AP3D1: variants seen among roughly 807,000 people sequenced by gnomAD.
AP3D1 encodes AP-3 complex subunit delta-1.
AP3D1 carries 51 observed loss-of-function variants against 147.6 expected under a neutral mutation model. The observed-to-expected ratio is 0.35, with a 90% CI of 0.28 to 0.44. The LOEUF is 0.44. AP3D1 is among the 20% of genes least tolerant of loss of function. The probability of loss-of-function intolerance (pLI) is 1.00; values close to 1 mark genes in which losing one functional copy is unlikely to be tolerated. For missense variants in AP3D1, 1,421 were observed against 1,624.2 expected (o/e 0.87, Z 2.15); for synonymous variants, 760 against 663.0 (o/e 1.15, Z -2.25).
upstream of AP3D1, among the ~76,000 whole-genome samples, chr19:2,153,828 G>A (rs937714828): frequency 1.3e-5 from 2 of 152,168 alleles, no homozygotes; most frequent in Admixed American, 6.5e-5. Context: ...AACAGTTTCC[G>A]GGCGTCCTTG....
intron 31 of AP3D1, among the ~76,000 whole-genome samples, chr19:2,102,714 C>T (rs997335950): frequency 3.1e-4 from 43 of 138,446 alleles, no homozygotes; most frequent in African/African-American, 1.1e-3. Flanking sequence ...GGCGACACAG[C>T]GAGACTGTCT....
chr19:2,115,347 T>C lies in AP3D1; in HGVS notation c.2221A>G (p.Lys741Glu). 1 of 1,609,232 alleles carries C rather than the reference T, an allele frequency of 6.2e-7. No individual in the cohort carries two copies. The highest frequency in any genetic ancestry group is 8.5e-7 in the Non-Finnish European group (1 of 1,179,842). Residue 741 changes from lysine (K) to glutamate (E), a missense_variant, in exon 20 of 32, where the codon AAG (lysine) becomes GAG (glutamate). Transcript: ENST00000643116. ...RRHRQKLEKDKRRKKRKEKEK... is the reference protein window; with the variant it reads ...RRHRQKLEKDERRKKRKEKEK... Reference sequence around the variant, plus strand: ...TTCTCCTTCCTCTTTTTCCTCCTCTTGTCCTTCTCCAGCTTCTGCCGGTGC... The same window carrying C: ...TTCTCCTTCCTCTTTTTCCTCCTCTCGTCCTTCTCCAGCTTCTGCCGGTGC...
chr19:2,141,363 T>C lies in AP3D1; in HGVS notation c.97-2649A>G, dbSNP rs537198753. Among the ~76,000 whole-genome samples, 13 of 151,886 alleles carry C rather than the reference T, an allele frequency of 8.6e-5. No homozygotes were observed. In the East Asian group the frequency reaches 1.3e-3, roughly 16 times the overall value. ...GAACACAGGGTGCGTATTTCCTTTA[T>C]ACACTAAGTCCTCAGGACTGCAGTA... On this transcript the variant is annotated intron_variant, in intron 1 of 31. Coordinates refer to ENST00000643116, the MANE Select transcript of AP3D1 (RefSeq NM_001261826.3).
At chr19:2,119,652 T>TGC (rs1568285608) in intron 14 of AP3D1, among the ~76,000 whole-genome samples, 1 of 126,904 alleles carries the variant, frequency 7.9e-6, no homozygotes, top group East Asian at 2.3e-4. Context: ...GCCGAGATCA[T>TGC]GCCACTGCAC....
chr19:2,126,601 C>A (rs892210022), intron 9 of AP3D1, among the ~76,000 whole-genome samples: 1 of 148,976 alleles, frequency 6.7e-6, no homozygotes, highest in African/African-American at 2.5e-5. Flanking sequence ...TTGCAGTAAG[C>A]CAAGTTGCGC....
intron 30 of AP3D1, 57 bp from the exon 31 acceptor site, chr19:2,108,823 C>T: frequency 6.5e-7 from 1 of 1,529,616 alleles, no homozygotes; most frequent in Non-Finnish European, 8.9e-7. Flanking sequence ...GCAGCCCCAC[C>T]CCCAGAGCAG....
intron 2 of AP3D1, among the ~76,000 whole-genome samples, chr19:2,138,211 T>G (rs1299375336): frequency 6.6e-6 from 1 of 151,972 alleles, no homozygotes; most frequent in African/African-American, 2.4e-5. Context: ...GGAGTGCCTG[T>G]CCCCAGCTCA....
chr19:2,110,782 G>C lies in AP3D1; in HGVS notation c.3100C>G (p.Leu1034Val). ...KGMELSVLDS[L>V]NARMARPQGS... is the part of the protein sequence containing the mutation. ...TGCGGCCGGGCCATCCTGGCATTGA[G>C]TGAGTCCAGCACGCTGAGCTCCATG... Residue 1034 changes from leucine (L) to valine (V), a missense_variant, in exon 27 of 32, where the codon CTC becomes GTC. Leu to Val is a conservative substitution (Grantham distance 32, BLOSUM62 1). Coordinates refer to ENST00000643116, the MANE Select transcript of AP3D1 (RefSeq NM_001261826.3). 6.2e-7 allele frequency: 1 copy of C among 1,613,226 alleles called. No homozygotes were observed. Among genetic ancestry groups the C allele is most frequent in the East Asian group, 2.2e-5 (1 of 44,876 alleles).
At chr19:2,158,743 A>G (rs1343536051) in intron 1 of AP3D1, among the ~76,000 whole-genome samples, 7 of 151,586 alleles carry the variant, frequency 4.6e-5, no homozygotes, top group Non-Finnish European at 8.8e-5. Context: ...AGCCACCACC[A>G]CACCCAGCAT....
intron 4 of AP3D1, among the ~76,000 whole-genome samples, chr19:2,136,445 G>C (rs2019079079): frequency 6.6e-6 from 1 of 152,212 alleles, no homozygotes; most frequent in Non-Finnish European, 1.5e-5. Context: ...AAAAGGGTGG[G>C]CCTGATTCTC....
At chr19:2,152,120 A>G (rs62128406), upstream of AP3D1, among the ~76,000 whole-genome samples, 42,808 of 152,156 alleles carry the variant, frequency 0.28, 7,436 homozygotes, top group Non-Finnish European at 0.4. Flanking sequence ...ATTGTCATTC[A>G]TTCAGTAAAC....
chr19:2,137,654 A>T, intron 3 of AP3D1, 73 bp downstream of exon 3: 1 of 1,228,516 alleles, frequency 8.1e-7, no homozygotes. Context: ...TAATAATAAA[A>T]ATTGGCCAGT....
chr19:2,112,002 G>A (rs2018295636), intron 24 of AP3D1, 174 bp from the exon 25 acceptor site: 2 of 1,030,612 alleles, frequency 1.9e-6, no homozygotes, highest in African/African-American at 1.6e-5. Context: ...GCCAGACCAG[G>A]CCCAGCGGAG....
chr19:2,135,834 G>A (rs2019061707), intron 4 of AP3D1, among the ~76,000 whole-genome samples: 1 of 152,100 alleles, frequency 6.6e-6, no homozygotes, highest in African/African-American at 2.4e-5. Flanking sequence ...GGCCCTCCTT[G>A]CTGGGCAGCT....
rs766937934 is a variant in AP3D1, at chr19:2,115,301, C to A, written c.2267G>T (p.Arg756Leu). ...GCTCTCCGTGGGCAGCGAGCTGTGGCGGCGCTTGCCCTTCTTCTCCTTCTC... is the reference window on the plus strand; with the variant it reads ...GCTCTCCGTGGGCAGCGAGCTGTGGAGGCGCTTGCCCTTCTTCTCCTTCTC... ...RKEKEKKGKR[R>L]HSSLPTESDE... The change falls in exon 20 of 32, where the codon CGC (arginine) becomes CTC (leucine). Residue 756 changes from arginine (R) to leucine (L), a missense_variant. Coordinates refer to ENST00000643116, the MANE Select transcript of AP3D1 (RefSeq NM_001261826.3). The A allele has an allele frequency of 6.2e-7, 1 of 1,612,848 alleles. No individual in the cohort carries two copies.
At chr19:2,111,050 C>A (rs1018246074) in intron 26 of AP3D1, 154 bp from the exon 27 acceptor site, 2 of 945,520 alleles carry the variant, frequency 2.1e-6, no homozygotes, top group Non-Finnish European at 3.1e-6. Context: ...CCAAGCGCCT[C>A]CTATGGCTGC....
At chr19:2,122,802 T>C (rs1419821211) in intron 11 of AP3D1, among the ~76,000 whole-genome samples, 2 of 152,134 alleles carry the variant, frequency 1.3e-5, no homozygotes, top group African/African-American at 4.8e-5. Context: ...GCAGGCGAGT[T>C]TGCCAACTCC....
chr19:2,103,415 C>T (rs1485000983), intron 31 of AP3D1, among the ~76,000 whole-genome samples: 1 of 152,148 alleles, frequency 6.6e-6, no homozygotes, highest in Non-Finnish European at 1.5e-5. Flanking sequence ...TCTGTCCTTC[C>T]GCCCTCCTGC....
chr19:2,111,475 TC>T, intron 25 of AP3D1, 143 bp from the exon 26 acceptor site: 2 of 1,249,190 alleles, frequency 1.6e-6, no homozygotes, highest in Non-Finnish European at 2.2e-6. Context: ...CGATGAGGGA[TC>T]CCCGGCTCCC....
Sources: allele counts gnomAD v4.1 joint callset (sites outside exome capture counted in the v4.1 genomes callset), GRCh38; gene constraint gnomAD v4.1.1; transcripts MANE v1.5; gene names NCBI Gene and HGNC (gene_info 2026-07-23, HGNC 2026-07-21).